Variants in PIK3C2A observed in about 807,000 individuals in gnomAD.
The protein encoded by PIK3C2A is phosphatidylinositol 4-phosphate 3-kinase C2 domain-containing subunit alpha.
In PIK3C2A, 97 loss-of-function variants were observed where a neutral mutation model predicts 204.5. That is an observed-to-expected ratio of 0.47 (90% CI 0.40 to 0.56). PIK3C2A has a LOEUF of 0.56. Ranked by LOEUF, PIK3C2A falls within the 20% of genes least tolerant of loss-of-function variation. PIK3C2A has a pLI of 0.00. For missense variants in PIK3C2A, 1,735 were observed against 1,969.2 expected, an observed-to-expected ratio of 0.88 and a Z score of 2.25; for synonymous variants, 653 against 664.4, an observed-to-expected ratio of 0.98 and a Z score of 0.26.
At chr11:17,140,079 T>A (rs1850010664) in intron 8 of PIK3C2A, among the ~76,000 whole-genome samples, 1 of 152,078 alleles carries the variant, frequency 6.6e-6, no homozygotes. Context: ...TGAATTAACA[T>A]CCTATCTTCA....
intron 27 of PIK3C2A, among the ~76,000 whole-genome samples, chr11:17,095,456 T>C (rs991948603): frequency 8.9e-5 from 13 of 145,618 alleles, no homozygotes; most frequent in African/African-American, 2.5e-4. Flanking sequence ...CCGGGCGTGG[T>C]GGTGGGTACC....
intron 16 of PIK3C2A, among the ~76,000 whole-genome samples, chr11:17,119,566 A>C (rs1849308975): frequency 6.6e-6 from 1 of 152,186 alleles, no homozygotes; most frequent in Non-Finnish European, 1.5e-5. Context: ...TAAATTATTC[A>C]AAATTTACAA....
chr11:17,158,239 T>A (rs2137456319), intron 2 of PIK3C2A, among the ~76,000 whole-genome samples: 1 of 151,826 alleles, frequency 6.6e-6, no homozygotes, highest in East Asian at 1.9e-4. Flanking sequence ...TCCCAGCTAC[T>A]CGGGAGGCTG....
chr11:17,134,664 TA>T (rs1348490451), intron 11 of PIK3C2A, among the ~76,000 whole-genome samples, 154 bp downstream of exon 11: 1 of 152,176 alleles, frequency 6.6e-6, no homozygotes, highest in African/African-American at 2.4e-5. Context: ...CCTGACTGGC[TA>T]ATTTTTTTAA....
At chr11:17,178,624 G>A (rs1182778122) in intron 1 of PIK3C2A, among the ~76,000 whole-genome samples, 4 of 151,136 alleles carry the variant, frequency 2.6e-5, no homozygotes, top group Non-Finnish European at 4.4e-5. Context: ...GTGCAGTGGC[G>A]CAGTCTCAGT....
intron 1 of PIK3C2A, among the ~76,000 whole-genome samples, chr11:17,176,564 G>A (rs1196526842): frequency 2.0e-5 from 3 of 151,952 alleles, no homozygotes; most frequent in Non-Finnish European, 4.4e-5. Flanking sequence ...CAAGGCAGGA[G>A]CATCACTTCA....
Position 17,150,572 on chromosome 11 carries a change from C to T in PIK3C2A, c.1253G>A (p.Cys418Tyr), listed in dbSNP as rs772891319. The change falls in exon 4 of 33, where the codon TGC (cysteine) becomes TAC (tyrosine). Residue 418 changes from cysteine (C) to tyrosine (Y), a missense_variant. By Grantham distance (194) the Cys-to-Tyr change is radical (BLOSUM62 -2). Transcript: ENST00000691414. ...GACCTTCACACTAGCATTTTCTCCGCATATGTTTCTTTGTGCTGTGACTGG... is the reference window on the plus strand; with the variant it reads ...GACCTTCACACTAGCATTTTCTCCGTATATGTTTCTTTGTGCTGTGACTGG... The part of the protein sequence containing the change: ...LSPVTAQRNI[C>Y]GENASVKVSI... 1.1e-5 allele frequency: 17 copies of T among 1,611,852 alleles called. No homozygotes were observed. Among genetic ancestry groups the T allele is most frequent in the Middle Eastern group, 1.7e-4 (1 of 6,058 alleles).
intron 17 of PIK3C2A, among the ~76,000 whole-genome samples, 180 bp downstream of exon 17, chr11:17,119,040 T>G (rs1198506198): frequency 6.6e-6 from 1 of 152,220 alleles, no homozygotes; most frequent in East Asian, 1.9e-4. Flanking sequence ...TATACAATAT[T>G]CAAATGGGGC....
chr11:17,136,430 G>GT, intron 9 of PIK3C2A, 52 bp downstream of exon 9: 1 of 1,402,572 alleles, frequency 7.1e-7, no homozygotes, highest in Non-Finnish European at 1.0e-6. Context: ...AAAATCTCCT[G>GT]TTTAAGTACA....
At chr11:17,126,142 C>CA (rs932999697) in intron 13 of PIK3C2A, among the ~76,000 whole-genome samples, 6 of 151,672 alleles carry the variant, frequency 4.0e-5, no homozygotes, top group African/African-American at 7.3e-5. Context: ...AAAACAAAAA[C>CA]AAAAAAAACT....
intron 1 of PIK3C2A, among the ~76,000 whole-genome samples, chr11:17,204,739 A>T (rs1329848540): frequency 6.6e-6 from 1 of 152,142 alleles, no homozygotes; most frequent in Non-Finnish European, 1.5e-5. Context: ...GCCCTCCGGC[A>T]CTCTCAGAGC....
intron 25 of PIK3C2A, 23 bp from the exon 26 acceptor site, chr11:17,099,992 C>T: frequency 8.6e-7 from 1 of 1,156,948 alleles, no homozygotes; most frequent in Non-Finnish European, 1.3e-6. Context: ...ACAAAAAGTT[C>T]TGTGAGTTAA....
At chr11:17,132,941 T>C (rs577369107) in intron 11 of PIK3C2A, among the ~76,000 whole-genome samples, 5 of 152,318 alleles carry the variant, frequency 3.3e-5, no homozygotes, top group Admixed American at 1.3e-4. Flanking sequence ...GGTAATCTTG[T>C]AAAGCAGGAG....
At chr11:17,104,799 C>T (rs1848755687) in intron 23 of PIK3C2A, among the ~76,000 whole-genome samples, 1 of 151,620 alleles carries the variant, frequency 6.6e-6, no homozygotes, top group African/African-American at 2.4e-5. Flanking sequence ...GAATTCAAAC[C>T]CAGAGAGTTT....
At chr11:17,146,704 G>A (rs1850256180) in intron 6 of PIK3C2A, among the ~76,000 whole-genome samples, 1 of 150,460 alleles carries the variant, frequency 6.6e-6, no homozygotes, top group Non-Finnish European at 1.5e-5. Flanking sequence ...CTGGATGACA[G>A]AGGGAAACTC....
At chr11:17,130,216 GA>G (rs1217985087) in intron 12 of PIK3C2A, among the ~76,000 whole-genome samples, 1 of 151,356 alleles carries the variant, frequency 6.6e-6, no homozygotes, top group Admixed American at 6.6e-5. Flanking sequence ...TCCCTCCCAT[GA>G]AAAAAAGAAA....
At chr11:17,195,015 C>T (rs2137564025) in intron 1 of PIK3C2A, among the ~76,000 whole-genome samples, 1 of 152,184 alleles carries the variant, frequency 6.6e-6, no homozygotes, top group Middle Eastern at 3.4e-3. Flanking sequence ...GTTAAGTATG[C>T]AGTCACATTT....
intron 2 of PIK3C2A, among the ~76,000 whole-genome samples, chr11:17,168,231 A>G (rs1363785799): frequency 6.6e-6 from 1 of 152,226 alleles, no homozygotes; most frequent in Non-Finnish European, 1.5e-5. Context: ...CAAAGAATCA[A>G]AGCACACTTG....
At chr11:17,187,327 G>C (rs1462764115) in intron 1 of PIK3C2A, among the ~76,000 whole-genome samples, 11 of 152,156 alleles carry the variant, frequency 7.2e-5, no homozygotes, top group Non-Finnish European at 7.4e-5. Context: ...ACAGGATAAG[G>C]ACTGGAATAA....
Sources: allele counts gnomAD v4.1 joint callset (sites outside exome capture counted in the v4.1 genomes callset), GRCh38; gene constraint gnomAD v4.1.1; transcripts MANE v1.5; gene names NCBI Gene and HGNC (gene_info 2026-07-23, HGNC 2026-07-21).